The following AKAP7 variants were observed in gnomAD, a reference collection of about 807,000 sequenced individuals.
AKAP7 encodes the protein A kinase (PRKA) anchor protein 7.
Under a neutral mutation model 39.5 loss-of-function variants are expected in AKAP7, and 39 were observed. The ratio of observed to expected loss-of-function variants is 0.99; its 90% CI spans 0.76 to 1.29. The LOEUF is 1.29. AKAP7 is among the 50% of genes most tolerant of loss of function. AKAP7 has a pLI of 0.00. For synonymous variants in AKAP7, 140 were observed against 139.1 expected, an observed-to-expected ratio of 1.01 and a Z score of -0.05; for missense variants, 414 against 407.7, an observed-to-expected ratio of 1.02 and a Z score of -0.13.
At chr6:131,177,984 C>T (rs1201479856) in intron 5 of AKAP7, among the ~76,000 whole-genome samples, 1 of 152,172 alleles carries the variant, frequency 6.6e-6, no homozygotes, top group Non-Finnish European at 1.5e-5. Flanking sequence ...TCTTAGTTTT[C>T]TGTTGCTTTG....
intron 1 of AKAP7, chr6:131,137,288 G>C (rs1800635083): frequency 6.6e-6 from 1 of 151,936 alleles, no homozygotes. Context: ...AGTGATGAGA[G>C]ACTTACTTCA....
At chr6:131,144,633 G>A (rs1801332534) in intron 1 of AKAP7, among the ~76,000 whole-genome samples, 1 of 152,100 alleles carries the variant, frequency 6.6e-6, no homozygotes, top group Non-Finnish European at 1.5e-5. Flanking sequence ...TCCACCCAAG[G>A]TATATGATTG....
chr6:131,185,506 C>A, intron 5 of AKAP7: 2 of 295,424 alleles, frequency 6.8e-6, no homozygotes, highest in South Asian at 1.1e-4. Context: ...TTCTCTCCCT[C>A]CAGTAATGGC....
intron 6 of AKAP7, among the ~76,000 whole-genome samples, chr6:131,211,790 AAAAG>A (rs1462202641): frequency 5.9e-5 from 9 of 151,590 alleles, no homozygotes; most frequent in South Asian, 4.2e-4. Flanking sequence ...AAAAAAAAAA[AAAAG>A]AAAGAAAATT....
intron 3 of AKAP7, among the ~76,000 whole-genome samples, chr6:131,162,525 G>T (rs932353727): frequency 1.1e-4 from 16 of 152,142 alleles, no homozygotes; most frequent in Admixed American, 9.2e-4. Flanking sequence ...TCCTTTAGAT[G>T]ACTATTTTTT....
At chr6:131,153,185 T>C (rs1205126229) in intron 2 of AKAP7, among the ~76,000 whole-genome samples, 2 of 151,288 alleles carry the variant, frequency 1.3e-5, no homozygotes, top group Non-Finnish European at 2.9e-5. Flanking sequence ...AAGTGTATGA[T>C]AAATCAGCAG....
At chr6:131,227,977 A>G (rs1210514724) in intron 7 of AKAP7, among the ~76,000 whole-genome samples, 1 of 152,220 alleles carries the variant, frequency 6.6e-6, no homozygotes, top group East Asian at 1.9e-4. Flanking sequence ...AGCCAAAAAG[A>G]AAAGACCTTT....
intron 5 of AKAP7, among the ~76,000 whole-genome samples, chr6:131,179,896 T>TAATA (rs71543197): frequency 0.014 from 1,943 of 143,380 alleles, 50 homozygotes; most frequent in African/African-American, 0.047. Context: ...AATAAATAAA[T>TAATA]AATAAATAAA....
At chr6:131,150,929 T>C (rs1801860394) in intron 2 of AKAP7, among the ~76,000 whole-genome samples, 1 of 152,246 alleles carries the variant, frequency 6.6e-6, no homozygotes, top group Non-Finnish European at 1.5e-5. Flanking sequence ...TACATATATT[T>C]GCTAAATTAT....
At chr6:131,224,079 A>T (rs1407565904) in intron 7 of AKAP7, among the ~76,000 whole-genome samples, 1 of 152,222 alleles carries the variant, frequency 6.6e-6, no homozygotes, top group Non-Finnish European at 1.5e-5. Context: ...ACATTGTTTT[A>T]AAAAATGATT....
intron 7 of AKAP7, among the ~76,000 whole-genome samples, chr6:131,278,182 G>T (rs1027753967): frequency 8.5e-5 from 13 of 152,196 alleles, no homozygotes; most frequent in African/African-American, 2.9e-4. Flanking sequence ...TTAGCAGAGG[G>T]AGAGAACTGA....
chr6:131,282,678 C>A lies in AKAP7; in HGVS notation c.*952C>A. 7.7e-7 allele frequency: 1 copy of A among 1,295,542 alleles called. No homozygotes were observed. Among genetic ancestry groups the A allele is most frequent in the Non-Finnish European group, 1.0e-6 (1 of 953,832 alleles). The allele number at this position is 1,295,542 out of a possible 1,614,324, so 80.3% of individuals were successfully genotyped here. A position where few individuals can be genotyped will look rare whatever the true frequency, so the allele number is the denominator to read the frequency against. On this transcript the variant is annotated 3_prime_UTR_variant, in exon 8 of 8. Transcript: ENST00000431975. Reference sequence around the variant, plus strand: ...TATTAAGTAGCTCTTTGGTAAACACCAAAGAAGTTTCTGATAGTGTCTGCA... The same window carrying A: ...TATTAAGTAGCTCTTTGGTAAACACAAAAGAAGTTTCTGATAGTGTCTGCA...
chr6:131,257,374 A>G (rs1309623502), intron 7 of AKAP7, among the ~76,000 whole-genome samples: 2 of 151,384 alleles, frequency 1.3e-5, no homozygotes, highest in Non-Finnish European at 2.9e-5. Flanking sequence ...TCTCAAAAAA[A>G]AAAAAAAAAA....
At position 131,273,779 on chromosome 6, in the gene AKAP7, G is replaced by C. The variant is rs144356337; in HGVS notation, c.851-7751G>C. ...CTGAGTAGATCTAAATTTCTCTGTAGTATCATTTTCCTTCTGCCTCAGGTT... is the reference window on the plus strand; with the variant it reads ...CTGAGTAGATCTAAATTTCTCTGTACTATCATTTTCCTTCTGCCTCAGGTT... On this transcript the variant is annotated intron_variant, in intron 7 of 7. Coordinates refer to ENST00000431975, the MANE Select transcript of AKAP7 (RefSeq NM_016377.4). Among the ~76,000 whole-genome samples, 170 of 152,138 alleles carry C rather than the reference G, an allele frequency of 1.1e-3. 1 individual carries two copies. Among genetic ancestry groups the C allele is most frequent in the African/African-American group, 3.8e-3 (158 of 41,526 alleles).
intron 7 of AKAP7, among the ~76,000 whole-genome samples, chr6:131,223,485 C>T (rs767429446): frequency 5.3e-5 from 8 of 152,140 alleles, no homozygotes; most frequent in Admixed American, 3.3e-4. Context: ...TTCAGTATGT[C>T]GTTTGAATTT....
At chr6:131,142,158 A>G (rs1446377385) in intron 1 of AKAP7, among the ~76,000 whole-genome samples, 1 of 152,198 alleles carries the variant, frequency 6.6e-6, no homozygotes. Context: ...AGAGGAATTG[A>G]AGTGGGCTGT....
At chr6:131,129,015 G>A in the AKAP7 span, among the ~76,000 whole-genome samples, 5 of 151,890 alleles carry the variant, frequency 3.3e-5, no homozygotes, top group Admixed American at 6.6e-5. Context: ...AGCTGGGTGC[G>A]GTGGCTCACG....
chr6:131,175,736 A>G (rs1300540169), intron 5 of AKAP7, among the ~76,000 whole-genome samples: 1 of 152,148 alleles, frequency 6.6e-6, no homozygotes, highest in African/African-American at 2.4e-5. Context: ...CACATTTGAG[A>G]TATGCGCTCT....
intron 5 of AKAP7, chr6:131,184,738 G>C (rs2128261682): frequency 1.0e-6 from 1 of 961,834 alleles, no homozygotes; most frequent in East Asian, 2.4e-5. Flanking sequence ...CTGTTCCTCA[G>C]ACCTCTGGGA....
Sources: gnomAD v4.1 joint callset for allele counts (sites outside exome capture counted in the v4.1 genomes callset) on GRCh38, gnomAD v4.1.1 for gene constraint, MANE v1.5 for transcripts, NCBI Gene and HGNC (gene_info 2026-07-23, HGNC 2026-07-21) for gene names.